The following HRH1 variants were observed in gnomAD, a reference collection of about 807,000 sequenced individuals.
HRH1 encodes histamine receptor H1.
Under a neutral mutation model 10.3 loss-of-function variants are expected in HRH1, and 6 were observed. That is an observed-to-expected ratio of 0.58 (90% CI 0.32 to 1.15). HRH1 has a LOEUF of 1.15. HRH1 is among the 50% of genes most tolerant of loss of function. HRH1 has a pLI of 0.05. For missense variants in HRH1, 514 were observed against 615.3 expected (o/e 0.84, Z 1.74); for synonymous variants, 242 against 236.7 (o/e 1.02, Z -0.21).
chr3:11,262,339 TAAG>T lies in HRH1; in HGVS notation c.*1843_*1845del, dbSNP rs937552576. The T allele has an allele frequency of 4.8e-5, 8 of 167,224 alleles. No individual in the cohort carries two copies. The highest frequency in any genetic ancestry group is 1.7e-4 in the African/African-American group (7 of 41,598). 10.4% of individuals were successfully genotyped at this position (167,224 alleles called of 1,614,324 possible). A position where few individuals can be genotyped will look rare whatever the true frequency, so the allele number is the denominator to read the frequency against. On this transcript the variant is annotated 3_prime_UTR_variant, in exon 2 of 2. Coordinates refer to ENST00000431010, the MANE Select transcript of HRH1 (RefSeq NM_001098212.2). ...TTCTACCTTTCTGAGTCTCTTGGAC[TAAG>T]AAGATGTTTTGAAATGTACCATCAA...
intron 1 of HRH1, among the ~76,000 whole-genome samples, chr3:11,188,884 G>C (rs1296649387): frequency 6.6e-6 from 1 of 152,224 alleles, no homozygotes; most frequent in Non-Finnish European, 1.5e-5. Context: ...AAAAAAGTAG[G>C]TGTCTGTTTT....
intron 1 of HRH1, among the ~76,000 whole-genome samples, chr3:11,200,293 G>A (rs946639437): frequency 1.3e-5 from 2 of 152,176 alleles, no homozygotes; most frequent in African/African-American, 2.4e-5. Context: ...TCATTAGAGG[G>A]AGTATACATT....
At chr3:11,240,916 A>G (rs901984804) in intron 1 of HRH1, among the ~76,000 whole-genome samples, 6 of 152,234 alleles carry the variant, frequency 3.9e-5, no homozygotes, top group Non-Finnish European at 8.8e-5. Flanking sequence ...TGAAGAGGAT[A>G]GAGAAGTTTG....
intron 1 of HRH1, among the ~76,000 whole-genome samples, chr3:11,191,139 G>A (rs978841151): frequency 3.3e-5 from 5 of 152,092 alleles, no homozygotes; most frequent in African/African-American, 1.2e-4. Flanking sequence ...CAGTTGCTTT[G>A]TCTTGCTTAG....
chr3:11,175,956 C>G (rs1937240366), intron 1 of HRH1, among the ~76,000 whole-genome samples: 1 of 151,792 alleles, frequency 6.6e-6, no homozygotes, highest in African/African-American at 2.4e-5. Flanking sequence ...CCCAGGAGTT[C>G]TAGACTAGCC....
intron 1 of HRH1, among the ~76,000 whole-genome samples, chr3:11,184,853 G>A (rs976528381): frequency 6.6e-6 from 1 of 150,680 alleles, no homozygotes; most frequent in African/African-American, 2.4e-5. Context: ...GGGAGGCAGA[G>A]GTTGCAGTGA....
At chr3:11,244,478 A>G (rs1489150867) in intron 1 of HRH1, among the ~76,000 whole-genome samples, 1 of 152,250 alleles carries the variant, frequency 6.6e-6, no homozygotes, top group Non-Finnish European at 1.5e-5. Context: ...GAGTCCTCTG[A>G]TCCTGAATGG....
chr3:11,224,149 G>A (rs1026551372), intron 1 of HRH1, among the ~76,000 whole-genome samples: 1 of 152,196 alleles, frequency 6.6e-6, no homozygotes, highest in Non-Finnish European at 1.5e-5. Flanking sequence ...GCCGTGCAAT[G>A]TGCATGCCTA....
At chr3:11,256,757 C>T (rs960078422) in intron 1 of HRH1, among the ~76,000 whole-genome samples, 4 of 152,010 alleles carry the variant, frequency 2.6e-5, no homozygotes, top group African/African-American at 4.8e-5. Flanking sequence ...CGAGATCGCG[C>T]CATTGCACTC....
chr3:11,138,164 C>T (rs1009892085), intron 1 of HRH1, among the ~76,000 whole-genome samples: 4 of 149,344 alleles, frequency 2.7e-5, no homozygotes, highest in Non-Finnish European at 4.4e-5. Flanking sequence ...TACAGGCGCC[C>T]GCACCACGTT....
intron 1 of HRH1, among the ~76,000 whole-genome samples, chr3:11,249,767 A>G (rs1006195513): frequency 5.3e-5 from 8 of 152,170 alleles, no homozygotes; most frequent in East Asian, 1.9e-4. Context: ...TAGGAGGACA[A>G]GTTTCCCAAT....
chr3:11,151,391 G>A (rs1936617518), upstream of HRH1, among the ~76,000 whole-genome samples: 1 of 152,188 alleles, frequency 6.6e-6, no homozygotes, highest in South Asian at 2.1e-4. Flanking sequence ...CTGAATCCAG[G>A]CCTACTTCCT....
At chr3:11,172,103 A>G (rs934830244) in intron 1 of HRH1, among the ~76,000 whole-genome samples, 1 of 152,230 alleles carries the variant, frequency 6.6e-6, no homozygotes, top group African/African-American at 2.4e-5. Flanking sequence ...CAGTCTCCCC[A>G]ATCTCCAAAG....
chr3:11,147,176 T>C (rs1936469350), intron 1 of HRH1, among the ~76,000 whole-genome samples: 1 of 152,206 alleles, frequency 6.6e-6, no homozygotes, highest in Admixed American at 6.5e-5. Flanking sequence ...TTGTTTTCCT[T>C]TCCTCTTCTT....
At chr3:11,200,422 C>G (rs914394807) in intron 1 of HRH1, among the ~76,000 whole-genome samples, 2 of 152,218 alleles carry the variant, frequency 1.3e-5, no homozygotes, top group African/African-American at 4.8e-5. Context: ...GAGAATACAG[C>G]AGGGACATGG....
At chr3:11,150,364 A>G (rs1165504944), upstream of HRH1, among the ~76,000 whole-genome samples, 2 of 152,244 alleles carry the variant, frequency 1.3e-5, no homozygotes, top group African/African-American at 4.8e-5. Context: ...GAGAAGGGCC[A>G]TCCTGCCCAC....
chr3:11,178,705 C>A, intron 1 of HRH1, among the ~76,000 whole-genome samples: 1 of 152,184 alleles, frequency 6.6e-6, no homozygotes, highest in Non-Finnish European at 1.5e-5. Context: ...GTGAGTTACA[C>A]TTCAGGGTCC....
chr3:11,194,302 C>G (rs1418459879), intron 1 of HRH1, among the ~76,000 whole-genome samples: 1 of 152,176 alleles, frequency 6.6e-6, no homozygotes, highest in Non-Finnish European at 1.5e-5. Context: ...TTTTTCATTC[C>G]TGCAAGCCTA....
At chr3:11,192,269 C>T (rs1403666848) in intron 1 of HRH1, among the ~76,000 whole-genome samples, 1 of 152,226 alleles carries the variant, frequency 6.6e-6, no homozygotes, top group African/African-American at 2.4e-5. Context: ...TTGAAGCCTC[C>T]TCATGCCCCC....
Sources: allele counts gnomAD v4.1 joint callset (sites outside exome capture counted in the v4.1 genomes callset), GRCh38; gene constraint gnomAD v4.1.1; transcripts MANE v1.5; gene names NCBI Gene and HGNC (gene_info 2026-07-23, HGNC 2026-07-21).